PKIB: variants seen among roughly 807,000 people sequenced by gnomAD.
PKIB encodes PKI-beta.
Under a neutral mutation model 4.5 loss-of-function variants are expected in PKIB, and 2 were observed. That is an observed-to-expected ratio of 0.44 (90% CI 0.18 to 1.39). The LOEUF is 1.39. Among genes scored for constraint, PKIB ranks in the 40% most tolerant of loss-of-function variants. PKIB has a pLI of 0.27. For synonymous variants in PKIB, 38 were observed against 36.0 expected (o/e 1.06, Z -0.20); for missense variants, 94 against 92.6 (o/e 1.02, Z -0.06).
At chr6:122,686,701 T>C (rs888383384) in intron 3 of PKIB, among the ~76,000 whole-genome samples, 4 of 151,966 alleles carry the variant, frequency 2.6e-5, no homozygotes, top group African/African-American at 9.7e-5. Context: ...CCCAGTAGAT[T>C]GTCTTTTGAA....
At chr6:122,677,890 CCTTT>C (rs763833967) in intron 3 of PKIB, among the ~76,000 whole-genome samples, 12,522 of 60,302 alleles carry the variant, frequency 0.21, 725 homozygotes, top group South Asian at 0.29. Context: ...TTCCTTCCTT[CCTTT>C]CTTTCTTTCT....
At chr6:122,577,589 T>A (rs1284332133) in intron 2 of PKIB, among the ~76,000 whole-genome samples, 2 of 152,044 alleles carry the variant, frequency 1.3e-5, no homozygotes, top group East Asian at 3.9e-4. Context: ...ATAAAATGGT[T>A]TTATCTCATT....
At chr6:122,508,949 C>G (rs1490539033) in intron 2 of PKIB, among the ~76,000 whole-genome samples, 1 of 152,070 alleles carries the variant, frequency 6.6e-6, no homozygotes, top group Non-Finnish European at 1.5e-5. Context: ...CGGGGTTTCA[C>G]CGTGTTAGCC....
intron 4 of PKIB, among the ~76,000 whole-genome samples, chr6:122,723,493 C>T (rs1779821424): frequency 6.6e-6 from 1 of 152,142 alleles, no homozygotes; most frequent in Non-Finnish European, 1.5e-5. Flanking sequence ...TTCTCCATCC[C>T]ATCTATCAGT....
At chr6:122,486,866 C>G (rs1775782039) in intron 2 of PKIB, among the ~76,000 whole-genome samples, 1 of 152,120 alleles carries the variant, frequency 6.6e-6, no homozygotes, top group African/African-American at 2.4e-5. Flanking sequence ...AGTTATAATA[C>G]TATGAAGAAT....
At chr6:122,588,399 A>C (rs1001065266) in intron 3 of PKIB, among the ~76,000 whole-genome samples, 3 of 152,100 alleles carry the variant, frequency 2.0e-5, no homozygotes, top group African/African-American at 7.2e-5. Flanking sequence ...GCTACCAATG[A>C]CTTTCTTCAC....
intron 2 of PKIB, among the ~76,000 whole-genome samples, chr6:122,520,426 C>A (rs555169329): frequency 6.6e-6 from 1 of 152,144 alleles, no homozygotes; most frequent in Non-Finnish European, 1.5e-5. Context: ...CACAATAAAT[C>A]ATGAATGCGT....
intron 2 of PKIB, among the ~76,000 whole-genome samples, chr6:122,647,113 C>T (rs576301387): frequency 1.4e-4 from 22 of 152,216 alleles, no homozygotes; most frequent in Middle Eastern, 3.4e-3. Context: ...GAGGAATGGG[C>T]TTAAGGAATC....
chr6:122,551,695 G>A (rs1772677623), intron 2 of PKIB, among the ~76,000 whole-genome samples: 1 of 152,004 alleles, frequency 6.6e-6, no homozygotes. Flanking sequence ...TCAGCATTCA[G>A]TATTCAATAT....
chr6:122,621,700 G>A (rs992555656), intron 1 of PKIB, among the ~76,000 whole-genome samples: 1 of 152,236 alleles, frequency 6.6e-6, no homozygotes, highest in African/African-American at 2.4e-5. Context: ...GACAGGAGAT[G>A]TAGCTGGAAA....
rs996057408 is a variant in PKIB at position 122,725,786 on chromosome 6, T to C, written c.*591T>C. On this transcript the variant is annotated 3_prime_UTR_variant, in exon 5 of 5. Transcript: ENST00000368452. ...GATATTTTTGTCTGACATATTTTGC[T>C]TCTAGTATGTGCCTACTGTGATTTT... 1 of 148,714 alleles carries C rather than the reference T, an allele frequency of 6.7e-6. No individual in the cohort carries two copies. The highest frequency in any genetic ancestry group is 2.5e-5 in the African/African-American group (1 of 39,734). 9.2% of individuals were successfully genotyped at this position (148,714 alleles called of 1,614,324 possible).
intron 3 of PKIB, chr6:122,701,229 G>T: frequency 2.1e-6 from 1 of 475,736 alleles, no homozygotes; most frequent in Non-Finnish European, 3.8e-6. Context: ...TCCATGGTGT[G>T]GCCACTTTCC....
At chr6:122,506,694 A>ATTTTTTT in intron 2 of PKIB, among the ~76,000 whole-genome samples, 1 of 116,568 alleles carries the variant, frequency 8.6e-6, no homozygotes, top group Non-Finnish European at 1.7e-5. Context: ...TGGAGATGTA[A>ATTTTTTT]TTTTTTTTTT....
chr6:122,473,270 T>A (rs1032541157), intron 1 of PKIB, among the ~76,000 whole-genome samples: 3 of 152,206 alleles, frequency 2.0e-5, no homozygotes, highest in African/African-American at 7.2e-5. Flanking sequence ...TATATGTGAG[T>A]AACTTTAAGG....
At chr6:122,553,012 C>G (rs1240824770) in intron 2 of PKIB, among the ~76,000 whole-genome samples, 3 of 152,044 alleles carry the variant, frequency 2.0e-5, no homozygotes, top group Admixed American at 2.0e-4. Flanking sequence ...CTTCGTTTAT[C>G]CCTATCTCCT....
intron 1 of PKIB, among the ~76,000 whole-genome samples, chr6:122,619,993 C>G (rs1224343358): frequency 6.6e-6 from 1 of 152,060 alleles, no homozygotes; most frequent in African/African-American, 2.4e-5. Context: ...CTCCTTAAGC[C>G]CTTCCTATTG....
intron 4 of PKIB, among the ~76,000 whole-genome samples, chr6:122,719,716 TACACACACACACACACACACAC>T (rs202212013): frequency 5.4e-4 from 72 of 132,890 alleles, no homozygotes; most frequent in African/African-American, 1.5e-3. Flanking sequence ...CCACCACACA[TACACACACACACACACACACAC>T]ACACACACAC....
intron 3 of PKIB, among the ~76,000 whole-genome samples, chr6:122,700,361 T>G (rs1300722693): frequency 6.6e-6 from 1 of 151,600 alleles, no homozygotes; most frequent in African/African-American, 2.4e-5. Flanking sequence ...GTCTTTTCTC[T>G]CAGAGAGCTT....
At chr6:122,562,004 G>GTTTTTT (rs758656278) in intron 2 of PKIB, among the ~76,000 whole-genome samples, 1 of 79,478 alleles carries the variant, frequency 1.3e-5, no homozygotes, top group African/African-American at 5.1e-5. Context: ...GTTTTTTTTT[G>GTTTTTT]TTTTTTTTTT....
Sources: gnomAD v4.1 joint callset for allele counts (sites outside exome capture counted in the v4.1 genomes callset) on GRCh38, gnomAD v4.1.1 for gene constraint, MANE v1.5 for transcripts, NCBI Gene and HGNC (gene_info 2026-07-23, HGNC 2026-07-21) for gene names.